Variants in GRIK4 observed in about 807,000 individuals in gnomAD.
GRIK4 encodes the protein glutamate ionotropic receptor kainate type subunit 4.
A neutral mutation model predicts 104.9 loss-of-function variants in GRIK4; 40 were observed. The observed-to-expected ratio is 0.38, with a 90% CI of 0.30 to 0.50. GRIK4 has a LOEUF of 0.50. Among genes scored for constraint, GRIK4 ranks in the 20% least tolerant of loss-of-function variants. The probability of loss-of-function intolerance (pLI) is 0.93; values close to 1 mark genes in which losing one functional copy is unlikely to be tolerated. For missense variants in GRIK4, 1,047 were observed against 1,308.1 expected, an observed-to-expected ratio of 0.80 and a Z score of 3.08; for synonymous variants, 485 against 524.9, an observed-to-expected ratio of 0.92 and a Z score of 1.04.
intron 3 of GRIK4, among the ~76,000 whole-genome samples, chr11:120,770,436 T>C (rs1951920074): frequency 6.6e-6 from 1 of 152,232 alleles, no homozygotes; most frequent in Non-Finnish European, 1.5e-5. Flanking sequence ...TGTTTCTCAG[T>C]CCCATCACTG....
At chr11:120,847,425 TA>T (rs1476782412) in intron 8 of GRIK4, among the ~76,000 whole-genome samples, 2 of 152,194 alleles carry the variant, frequency 1.3e-5, no homozygotes, top group Non-Finnish European at 2.9e-5. Flanking sequence ...CACAGGGTAT[TA>T]GGGGGCCATC....
intron 11 of GRIK4, among the ~76,000 whole-genome samples, chr11:120,886,062 G>A (rs776163716): frequency 3.3e-5 from 5 of 152,192 alleles, no homozygotes; most frequent in Admixed American, 1.3e-4. Flanking sequence ...AGACAAGTAC[G>A]GTTGATCCTC....
chr11:120,666,730 G>T (rs1949921561), intron 3 of GRIK4, among the ~76,000 whole-genome samples: 1 of 152,192 alleles, frequency 6.6e-6, no homozygotes, highest in South Asian at 2.1e-4. Context: ...AATATTATGG[G>T]CTGATGGTAT....
At chr11:120,734,735 C>T (rs1789147507) in intron 3 of GRIK4, among the ~76,000 whole-genome samples, 1 of 151,954 alleles carries the variant, frequency 6.6e-6, no homozygotes, top group African/African-American at 2.4e-5. Context: ...CTTTTTTCTC[C>T]TCTGTCTGTG....
At chr11:120,608,208 G>C (rs1045541311) in intron 1 of GRIK4, among the ~76,000 whole-genome samples, 2 of 152,266 alleles carry the variant, frequency 1.3e-5, no homozygotes, top group Non-Finnish European at 2.9e-5. Context: ...CAATGAGGCT[G>C]CTGCAGGCTT....
chr11:120,723,053 C>G (rs1334654605), intron 3 of GRIK4, among the ~76,000 whole-genome samples: 1 of 152,202 alleles, frequency 6.6e-6, no homozygotes, highest in Admixed American at 6.5e-5. Flanking sequence ...TATCTCTATT[C>G]TCCCCATTTT....
chr11:120,756,312 GC>G (rs1424405352), intron 3 of GRIK4, among the ~76,000 whole-genome samples: 1 of 152,132 alleles, frequency 6.6e-6, no homozygotes, highest in Non-Finnish European at 1.5e-5. Flanking sequence ...GCCTGCTCTT[GC>G]CCCTCTGTGG....
chr11:120,929,790 G>A (rs1403602905), intron 13 of GRIK4, among the ~76,000 whole-genome samples: 1 of 152,106 alleles, frequency 6.6e-6, no homozygotes, highest in Admixed American at 6.6e-5. Flanking sequence ...ACCGGGTCTG[G>A]GGCAGGGCAA....
intron 1 of GRIK4, among the ~76,000 whole-genome samples, chr11:120,642,513 A>G (rs1190921728): frequency 6.6e-6 from 1 of 150,850 alleles, no homozygotes; most frequent in Non-Finnish European, 1.5e-5. Context: ...GAAGTAAGGA[A>G]TCTATGCTAG....
intron 3 of GRIK4, among the ~76,000 whole-genome samples, chr11:120,672,723 CTCTG>C (rs59871046): frequency 0.091 from 13,798 of 152,108 alleles, 1,697 homozygotes; most frequent in African/African-American, 0.28. Flanking sequence ...TGATTTGGCT[CTCTG>C]TCTATTATTG....
Position 120,628,863 on chromosome 11 carries a change from T to C in GRIK4, c.-158-24822T>C, listed in dbSNP as rs558703586. On this transcript the variant is annotated intron_variant, in intron 1 of 20. Coordinates refer to ENST00000527524, the MANE Select transcript of GRIK4 (RefSeq NM_014619.5). ...GAGGGTTTCAGGGCAAGATACATCC[T>C]TCTTCCCTCCCTCCCTTCCTTCCTT... Among the ~76,000 whole-genome samples the C allele has an allele frequency of 2.6e-5, 4 of 152,320 alleles. No individual in the cohort carries two copies. The East Asian group carries it at 7.7e-4, about 29-fold the overall frequency.
At chr11:120,730,822 G>T (rs973539403) in intron 3 of GRIK4, among the ~76,000 whole-genome samples, 1 of 151,862 alleles carries the variant, frequency 6.6e-6, no homozygotes, top group Non-Finnish European at 1.5e-5. Context: ...CTTTATTTGT[G>T]GCTATTTTGA....
At chr11:120,547,362 C>T (rs547723177) in intron 1 of GRIK4, among the ~76,000 whole-genome samples, 11 of 152,336 alleles carry the variant, frequency 7.2e-5, no homozygotes, top group African/African-American at 9.6e-5. Context: ...TGACCTCAGC[C>T]AGTGGGCGAG....
At chr11:120,615,507 G>C (rs1949099994) in intron 1 of GRIK4, among the ~76,000 whole-genome samples, 1 of 152,220 alleles carries the variant, frequency 6.6e-6, no homozygotes, top group Non-Finnish European at 1.5e-5. Flanking sequence ...ACCCTTTGAT[G>C]AATTTGTGTC....
intron 3 of GRIK4, among the ~76,000 whole-genome samples, chr11:120,732,054 G>A (rs537221649): frequency 1.3e-5 from 2 of 151,952 alleles, no homozygotes; most frequent in East Asian, 3.9e-4. Context: ...ATTTATATGT[G>A]CTCTGATCTT....
At chr11:120,561,319 T>C (rs1438599566) in intron 1 of GRIK4, among the ~76,000 whole-genome samples, 3 of 152,208 alleles carry the variant, frequency 2.0e-5, no homozygotes, top group Non-Finnish European at 2.9e-5. Flanking sequence ...CCTCATGTTC[T>C]AGAAGATATT....
At chr11:120,730,426 C>A (rs1475255526) in intron 3 of GRIK4, among the ~76,000 whole-genome samples, 3 of 152,104 alleles carry the variant, frequency 2.0e-5, no homozygotes, top group Non-Finnish European at 4.4e-5. Context: ...AATTCTGTTT[C>A]ATTGATCTAT....
chr11:120,742,520 A>G (rs973440970), intron 3 of GRIK4, among the ~76,000 whole-genome samples: 1 of 96,158 alleles, frequency 1.0e-5, no homozygotes, highest in Non-Finnish European at 2.3e-5. Flanking sequence ...TATTATTATT[A>G]TTATTATTTT....
In GRIK4 at chr11:120,911,304, T is replaced by A. The variant is rs544311354; in HGVS notation, c.1476+5811T>A. 3.4e-5 allele frequency among the ~76,000 whole-genome samples: 5 copies of A among 149,100 alleles called. No individual in the cohort carries two copies. In the East Asian group the frequency reaches 1.0e-3, roughly 30 times the overall value. On this transcript the variant is annotated intron_variant, in intron 13 of 20. Coordinates refer to ENST00000527524, the MANE Select transcript of GRIK4 (RefSeq NM_014619.5). The stretch of plus-strand genomic sequence containing the variant: ...CCCAGGCTGGAGTGCAGTGGCGCGA[T>A]CTCGACTCACTGCAAGCTCCGCCTC...
Sources: gnomAD v4.1 joint callset for allele counts (sites outside exome capture counted in the v4.1 genomes callset) on GRCh38, gnomAD v4.1.1 for gene constraint, MANE v1.5 for transcripts, NCBI Gene and HGNC (gene_info 2026-07-23, HGNC 2026-07-21) for gene names.